Variants in MAP9 observed in about 807,000 individuals in gnomAD.
MAP9 encodes the protein microtubule-associated protein 9.
MAP9 carries 80 observed loss-of-function variants against 75.2 expected under a neutral mutation model. The observed-to-expected ratio is 1.06, with a 90% confidence interval of 0.89 to 1.28. The LOEUF (loss-of-function observed/expected upper bound fraction) is 1.28. Ranked by LOEUF, MAP9 falls within the 50% of genes most tolerant of loss-of-function variation. The probability of loss-of-function intolerance (pLI) is 0.00; values close to 1 mark genes in which losing one functional copy is unlikely to be tolerated. For synonymous variants in MAP9, 235 were observed against 237.3 expected (o/e 0.99, Z 0.09); for missense variants, 753 against 719.9 (o/e 1.05, Z -0.53).
chr4:155,356,522 AC>A (rs1377791825), intron 8 of MAP9, among the ~76,000 whole-genome samples: 1 of 152,216 alleles, frequency 6.6e-6, no homozygotes, highest in Non-Finnish European at 1.5e-5. Flanking sequence ...CATGGAAAAA[AC>A]AATACAGTAG....
intron 6 of MAP9, among the ~76,000 whole-genome samples, chr4:155,361,563 C>CAA (rs2111238641): frequency 6.6e-6 from 1 of 152,118 alleles, no homozygotes; most frequent in Non-Finnish European, 1.5e-5. Context: ...TCTTACAACA[C>CAA]CCTATAAGGC....
At chr4:155,371,189 C>T (rs6810747) in intron 4 of MAP9, among the ~76,000 whole-genome samples, 39,557 of 151,816 alleles carry the variant, frequency 0.26, 6,087 homozygotes, top group African/African-American at 0.44. Context: ...CAAGCAAGGA[C>T]AGAGAAAACC....
At chr4:155,360,974 T>G (rs1486971263) in intron 6 of MAP9, 1 of 152,570 alleles carries the variant, frequency 6.6e-6, no homozygotes, top group African/African-American at 2.4e-5. Context: ...AGCCTATTGC[T>G]TATCCTCTCA....
Position 155,347,697 on chromosome 4 carries a change from C to A in MAP9, c.*86G>T. The A allele has an allele frequency of 1.6e-6, 2 of 1,251,152 alleles. No homozygotes were observed. The highest frequency in any genetic ancestry group is 1.7e-5 in the South Asian group (1 of 58,222). The allele number at this position is 1,251,152 out of a possible 1,614,324, so 77.5% of individuals were successfully genotyped here. ...TGGCATTTAATTAAAATATATTCCTCTAACTATAAATAATTGAATGGTTTT... is the reference window on the plus strand; with the variant it reads ...TGGCATTTAATTAAAATATATTCCTATAACTATAAATAATTGAATGGTTTT... On this transcript the variant is annotated 3_prime_UTR_variant, in exon 14 of 14. Coordinates refer to ENST00000311277, the MANE Select transcript of MAP9 (RefSeq NM_001039580.2).
rs775755325 is a variant in MAP9, at chr4:155,373,337, T to C, written c.280A>G (p.Thr94Ala). ...GTTATGTTACCGTTTGATTTATTGG[T>C]TTTCAAAAACAATAGTTTTGAAGGA... ...KNPSKLLFLKTNKSNGNITKD... is the reference protein window; with the variant it reads ...KNPSKLLFLKANKSNGNITKD... Residue 94 changes from threonine (T) to alanine (A), a missense_variant, in exon 4 of 14, where the codon ACC becomes GCC. Coordinates refer to ENST00000311277, the MANE Select transcript of MAP9 (RefSeq NM_001039580.2). 11 of 1,613,434 alleles carry C rather than the reference T, an allele frequency of 6.8e-6. No homozygotes were observed. Among genetic ancestry groups the C allele is most frequent in the Non-Finnish European group, 9.3e-6 (11 of 1,179,850 alleles).
chr4:155,368,676 C>A lies in MAP9; in HGVS notation c.618G>T (p.Glu206Asp), dbSNP rs1312595579. Residue 206 changes from glutamate to aspartate, a missense_variant, in exon 5 of 14, where the codon GAG (glutamate) becomes GAT (aspartate). Coordinates refer to ENST00000311277, the MANE Select transcript of MAP9 (RefSeq NM_001039580.2). The part of the protein sequence containing the change: ...DKETALSEEL[E>D]LHSAPSSLPT... The stretch of plus-strand genomic sequence containing the variant: ...GAAGGGAAGAAGGTGCAGAATGTAA[C>A]TCCAATTCTTCACTGAGGGCAGTTT... The A allele has an allele frequency of 3.7e-6, 6 of 1,614,052 alleles. No individual in the cohort carries two copies. The highest frequency in any genetic ancestry group is 1.3e-5 in the African/African-American group (1 of 74,934).
chr4:155,374,897 AAAG>A (rs1475349549), intron 3 of MAP9, 37 bp downstream of exon 3: 1 of 1,387,530 alleles, frequency 7.2e-7, no homozygotes, highest in Non-Finnish European at 9.9e-7. Flanking sequence ...AAGGAAGCAA[AAAG>A]AAGAAAAGTG....
rs1351136709 is a variant in MAP9 at position 155,342,696 on chromosome 4, G to A, written c.*5087C>T. 2.6e-5 allele frequency: 4 copies of A among 151,852 alleles called. No individual in the cohort carries two copies. The highest frequency in any genetic ancestry group is 1.9e-4 in the East Asian group (1 of 5,190). The allele number at this position is 151,852 out of a possible 1,614,324, so 9.4% of individuals were successfully genotyped here. ...ATTTCCTTTATTTATCAACAGCAAC[G>A]ATATGACATTACAAAGTGACCCGTG... On this transcript the variant is annotated 3_prime_UTR_variant, in exon 14 of 14. Coordinates refer to ENST00000311277, the MANE Select transcript of MAP9 (RefSeq NM_001039580.2).
chr4:155,351,931 C>A (rs1384594576), intron 13 of MAP9, among the ~76,000 whole-genome samples: 3 of 151,866 alleles, frequency 2.0e-5, no homozygotes, highest in Non-Finnish European at 2.9e-5. Flanking sequence ...AGTATTTATT[C>A]ATAGTAATGT....
chr4:155,368,914 T>A, intron 4 of MAP9, 102 bp from the exon 5 acceptor site: 2 of 913,458 alleles, frequency 2.2e-6, no homozygotes, highest in Non-Finnish European at 3.3e-6. Flanking sequence ...TATGCCCCTT[T>A]GTTCTCTGTC....
rs1731251979 is a variant in MAP9 at position 155,345,466 on chromosome 4, TTTTTTGAGTG to T, written c.*2307_*2316del. ...TTTGTTTTGTTTTGTTTTGTTTTGT[TTTTTTGAGTG>T]TTACAGCCTGGACTGGCCAGCAAGA... On this transcript the variant is annotated 3_prime_UTR_variant, in exon 14 of 14. Transcript: ENST00000311277. 1 of 24,552 alleles carries T rather than the reference TTTTTTGAGTG, an allele frequency of 4.1e-5. No individual in the cohort carries two copies. Among genetic ancestry groups the T allele is most frequent in the African/African-American group, 3.2e-4 (1 of 3,090 alleles). 1.5% of individuals were successfully genotyped at this position (24,552 alleles called of 1,614,324 possible).
chr4:155,372,193 GA>G (rs1732631634), intron 4 of MAP9, among the ~76,000 whole-genome samples: 2 of 152,106 alleles, frequency 1.3e-5, no homozygotes, highest in Non-Finnish European at 2.9e-5. Flanking sequence ...GTGGGGTCAG[GA>G]AGAAAGGAGC....
At chr4:155,347,934 T>C in intron 13 of MAP9, 29 bp from the exon 14 acceptor site, 1 of 1,266,934 alleles carries the variant, frequency 7.9e-7, no homozygotes, top group Non-Finnish European at 1.1e-6. Flanking sequence ...ACTATAAATT[T>C]ATGTACATAT....
At chr4:155,364,322 T>C (rs1732224882) in intron 5 of MAP9, among the ~76,000 whole-genome samples, 1 of 151,702 alleles carries the variant, frequency 6.6e-6, no homozygotes, top group Admixed American at 6.6e-5. Flanking sequence ...TAAACCTGTA[T>C]TACAAGAAAT....
intron 10 of MAP9, 58 bp downstream of exon 10, chr4:155,355,013 A>C (rs556225985): frequency 1.4e-6 from 1 of 702,564 alleles, no homozygotes; most frequent in African/African-American, 1.9e-5. Flanking sequence ...TTATATATTC[A>C]GGGATATTTT....
intron 10 of MAP9, 37 bp from the exon 11 acceptor site, chr4:155,353,377 T>C (rs753419014): frequency 2.7e-6 from 4 of 1,460,128 alleles, no homozygotes; most frequent in Non-Finnish European, 3.6e-6. Flanking sequence ...TATACATATA[T>C]ATGTATATAT....
Position 155,353,014 on chromosome 4 carries a change from T to TCAG in MAP9, c.1585_1586insCTG (p.Lys528_Glu529insAla). 6.5e-7 allele frequency: 1 copy of TCAG among 1,541,820 alleles called. No homozygotes were observed. Among genetic ancestry groups the TCAG allele is most frequent in the Non-Finnish European group, 8.8e-7 (1 of 1,137,416 alleles). ...ATATTCTCTCTCCTTTCTATTTTTC[T>TCAG]CTTTAAGATATTCCATCTTTTTCTC... On this transcript the variant is annotated inframe_insertion, in exon 12 of 14. Transcript: ENST00000311277.
intron 8 of MAP9, 85 bp downstream of exon 8, chr4:155,357,364 T>C (rs1317577262): frequency 2.2e-6 from 2 of 889,570 alleles, no homozygotes; most frequent in Admixed American, 1.8e-5. Flanking sequence ...TAACACCAAA[T>C]GAAATTTACT....
At chr4:155,365,750 A>G (rs1209220698) in intron 5 of MAP9, among the ~76,000 whole-genome samples, 1 of 152,100 alleles carries the variant, frequency 6.6e-6, no homozygotes, top group African/African-American at 2.4e-5. Context: ...AAATCACCAT[A>G]AAATAACCAA....
Sources: allele counts gnomAD v4.1 joint callset (sites outside exome capture counted in the v4.1 genomes callset), GRCh38; gene constraint gnomAD v4.1.1; transcripts MANE v1.5; gene names NCBI Gene and HGNC (gene_info 2026-07-23, HGNC 2026-07-21).